Variants in BTBD8 observed in about 807,000 individuals in gnomAD.
BTBD8 encodes the protein BTB/POZ domain-containing protein 8.
BTBD8 carries 110 observed loss-of-function variants against 162.9 expected under a neutral mutation model. The observed-to-expected ratio is 0.68, with a 90% CI of 0.58 to 0.79. The LOEUF is 0.79. Ranked by LOEUF, BTBD8 falls within the 30% of genes least tolerant of loss-of-function variation. The pLI, the probability that BTBD8 is intolerant of heterozygous loss-of-function variation, is 0.00. For missense variants in BTBD8, 1,905 were observed against 2,085.4 expected, an observed-to-expected ratio of 0.91 and a Z score of 1.68; for synonymous variants, 667 against 716.1, an observed-to-expected ratio of 0.93 and a Z score of 1.10.
At chr1:92,152,248 A>G (rs1010909404) in intron 9 of BTBD8, among the ~76,000 whole-genome samples, 6 of 152,170 alleles carry the variant, frequency 3.9e-5, no homozygotes, top group African/African-American at 9.7e-5. Context: ...TAAACAGCTA[A>G]GTAAAATACA....
chr1:92,129,659 C>T (rs1649459043), intron 4 of BTBD8, 28 bp from the exon 5 acceptor site: 2 of 1,517,556 alleles, frequency 1.3e-6, no homozygotes, highest in Admixed American at 3.3e-5. Context: ...AAATGTTTAC[C>T]TGTGTTTCTC....
intron 4 of BTBD8, among the ~76,000 whole-genome samples, chr1:92,122,130 G>A (rs2391114): frequency 0.65 from 98,503 of 152,024 alleles, 32,406 homozygotes; most frequent in East Asian, 0.97. Context: ...ATCCTTGCAT[G>A]TTATGTGTAT....
At chr1:92,133,056 T>A (rs971406481) in intron 5 of BTBD8, among the ~76,000 whole-genome samples, 4 of 152,194 alleles carry the variant, frequency 2.6e-5, no homozygotes, top group African/African-American at 9.7e-5. Flanking sequence ...CTAAAGGGGA[T>A]TAAGGAATTT....
Position 92,181,699 on chromosome 1 carries a change from A to T in BTBD8, c.4016A>T (p.Asp1339Val), listed in dbSNP as rs1328822210. 6.4e-7 allele frequency: 1 copy of T among 1,551,620 alleles called. No homozygotes were observed. Among genetic ancestry groups the T allele is most frequent in the Non-Finnish European group, 8.7e-7 (1 of 1,146,930 alleles). The change falls in exon 17 of 18, where the codon GAT (aspartate) becomes GTT (valine). Residue 1339 changes from aspartate (D) to valine (V), a missense_variant. By Grantham distance (152) the Asp-to-Val change is radical (BLOSUM62 -3). This residue lies in a region of BTBD8 where 517 missense variants were observed against 606.6 expected (regional missense o/e 0.85). Transcript: ENST00000636805. The stretch of plus-strand genomic sequence containing the variant: ...CTTTTCCAAGTTAATTCAACGAGTG[A>T]TGATGAAATCCCTAGGAAAAGGCCA... Reference protein sequence around the residue: ...NDLFQVNSTSDDEIPRKRPEI... With the variant: ...NDLFQVNSTSVDEIPRKRPEI...
At chr1:92,115,119 T>C (rs1557444747) in intron 4 of BTBD8, 1 of 469,680 alleles carries the variant, frequency 2.1e-6, no homozygotes, top group East Asian at 5.6e-5. Flanking sequence ...GGCCACGCCA[T>C]TGAGCTTCCT....
chr1:92,104,585 A>G (rs1462719278), intron 3 of BTBD8, among the ~76,000 whole-genome samples: 2 of 152,192 alleles, frequency 1.3e-5, no homozygotes, highest in African/African-American at 4.8e-5. Context: ...AAATGGCCAT[A>G]TAAGTTGTGA....
chr1:92,087,629 T>TA (rs572601310), intron 1 of BTBD8, among the ~76,000 whole-genome samples: 46 of 152,260 alleles, frequency 3.0e-4, no homozygotes, highest in African/African-American at 1.0e-3. Context: ...GAAAGACATG[T>TA]AAAAATAATA....
intron 5 of BTBD8, among the ~76,000 whole-genome samples, chr1:92,131,495 G>A (rs370124188): frequency 6.6e-6 from 1 of 152,104 alleles, no homozygotes; most frequent in Non-Finnish European, 1.5e-5. Flanking sequence ...AGGCCAGGGC[G>A]AGTGGATCAC....
Position 92,139,429 on chromosome 1 carries a change from G to A in BTBD8, c.832G>A (p.Gly278Ser), listed in dbSNP as rs774314768. Residue 278 changes from glycine to serine, a missense_variant and splice_region_variant, in exon 6 of 18, where the codon GGT becomes AGT. By Grantham distance (56) the Gly-to-Ser change is moderately conservative. This residue lies in a region of BTBD8 where 1,374 missense variants were observed against 1,442.7 expected (regional missense o/e 0.95). Coordinates refer to ENST00000636805, the MANE Select transcript of BTBD8 (RefSeq NM_001376131.1). ...GGACATTCCAGACAAAACTAATGTT[G>A]GGTATGTATTCCTTTTTAATAATTT... ...TLDIPDKTNV[G>S]QILNMADMYG... is the part of the protein sequence containing the mutation. 1 of 1,601,248 alleles carries A rather than the reference G, an allele frequency of 6.2e-7. No homozygotes were observed. Among genetic ancestry groups the A allele is most frequent in the South Asian group, 1.1e-5 (1 of 87,144 alleles).
chr1:92,096,782 C>T lies in BTBD8; in HGVS notation c.348-5691C>T, dbSNP rs142881903. On this transcript the variant is annotated intron_variant, in intron 2 of 17. Transcript: ENST00000636805. The stretch of plus-strand genomic sequence containing the variant: ...AGAATTCCTGGGCTTAAGCAGTCCT[C>T]CCACCTCGGTCTCACAAAACGCTGA... 1.8e-3 allele frequency among the ~76,000 whole-genome samples: 267 copies of T among 152,228 alleles called. 3 individuals are homozygous for T. The highest frequency in any genetic ancestry group is 5.9e-3 in the African/African-American group (244 of 41,542).
At chr1:92,103,463 C>T (rs1648650777) in intron 3 of BTBD8, among the ~76,000 whole-genome samples, 1 of 152,122 alleles carries the variant, frequency 6.6e-6, no homozygotes, top group African/African-American at 2.4e-5. Context: ...ACCTGAGGTC[C>T]CTGGATCAGA....
At chr1:92,153,375 AT>A (rs1012000806) in intron 9 of BTBD8, among the ~76,000 whole-genome samples, 1 of 152,070 alleles carries the variant, frequency 6.6e-6, no homozygotes, top group Admixed American at 6.6e-5. Context: ...ATTTTATTTT[AT>A]TTTGGAAAGA....
At chr1:92,120,508 A>G (rs1044089470) in intron 4 of BTBD8, among the ~76,000 whole-genome samples, 3 of 152,156 alleles carry the variant, frequency 2.0e-5, no homozygotes, top group Non-Finnish European at 4.4e-5. Context: ...ATAAAATAAT[A>G]AGCCAGTAAC....
chr1:92,137,304 G>A (rs1649657775), intron 5 of BTBD8, among the ~76,000 whole-genome samples: 1 of 152,168 alleles, frequency 6.6e-6, no homozygotes, highest in Non-Finnish European at 1.5e-5. Context: ...CACCCTAATA[G>A]TAATTTGGGA....
At chr1:92,178,277 TAA>T in intron 15 of BTBD8, 33 bp from the exon 16 acceptor site, 1 of 1,484,590 alleles carries the variant, frequency 6.7e-7, no homozygotes, top group Non-Finnish European at 9.0e-7. Context: ...TTTTGGAATC[TAA>T]GTGTAATACT....
intron 17 of BTBD8, among the ~76,000 whole-genome samples, chr1:92,183,244 A>G (rs1379328419): frequency 6.6e-6 from 1 of 152,172 alleles, no homozygotes; most frequent in Admixed American, 6.6e-5. Flanking sequence ...CTTCCTTATT[A>G]TAGTAATTCA....
intron 4 of BTBD8, among the ~76,000 whole-genome samples, chr1:92,114,118 G>A (rs10875204): frequency 0.6 from 91,177 of 151,524 alleles, 28,242 homozygotes; most frequent in East Asian, 0.97. Context: ...GGCATAGTCA[G>A]ATAAAGTAAG....
Position 92,180,867 on chromosome 1 carries a change from A to G in BTBD8, c.3184A>G (p.Thr1062Ala). ...SETKFPNHKE[T>A]DDCDAANICC... ...AACAAAATTTCCCAATCACAAAGAA[A>G]CAGATGATTGCGATGCAGCTAACAT... is the stretch of plus-strand genomic sequence containing the variant. Residue 1062 changes from threonine (T) to alanine (A), a missense_variant, in exon 17 of 18, where the codon ACA becomes GCA. By Grantham distance (58) the Thr-to-Ala change is moderately conservative (BLOSUM62 0). Coordinates refer to ENST00000636805, the MANE Select transcript of BTBD8 (RefSeq NM_001376131.1). 6.4e-7 allele frequency: 1 copy of G among 1,551,678 alleles called. No individual in the cohort carries two copies. Among genetic ancestry groups the G allele is most frequent in the Non-Finnish European group, 8.7e-7 (1 of 1,146,992 alleles).
At chr1:92,093,949 A>C (rs773323269) in intron 2 of BTBD8, among the ~76,000 whole-genome samples, 4 of 152,260 alleles carry the variant, frequency 2.6e-5, no homozygotes, top group South Asian at 2.1e-4. Context: ...CATTACATCA[A>C]TGATACCCTT....
Sources: allele counts gnomAD v4.1 joint callset (sites outside exome capture counted in the v4.1 genomes callset), GRCh38; gene constraint gnomAD v4.1.1; regional missense constraint gnomAD v4.1.1; transcripts MANE v1.5; gene names NCBI Gene and HGNC (gene_info 2026-07-23, HGNC 2026-07-21).